Variants in COL10A1 observed in about 807,000 individuals in gnomAD.
The protein encoded by COL10A1 is collagen type X alpha 1 chain.
COL10A1 carries 10 observed loss-of-function variants against 18.2 expected under a neutral mutation model. The ratio of observed to expected loss-of-function variants is 0.55; its 90% CI spans 0.34 to 0.93. The LOEUF (loss-of-function observed/expected upper bound fraction) is 0.93, where lower values mean the gene tolerates loss of function less well. Ranked by LOEUF, COL10A1 falls within the 40% of genes least tolerant of loss-of-function variation. The probability of loss-of-function intolerance (pLI) is 0.02; values close to 1 mark genes in which losing one functional copy is unlikely to be tolerated. For synonymous variants in COL10A1, 330 were observed against 316.6 expected, an observed-to-expected ratio of 1.04 and a Z score of -0.45; for missense variants, 897 against 853.5, an observed-to-expected ratio of 1.05 and a Z score of -0.64.
chr6:116,161,176 A>C (rs1272029443), upstream of COL10A1, among the ~76,000 whole-genome samples: 1 of 119,722 alleles, frequency 8.4e-6, no homozygotes, highest in East Asian at 2.6e-4. Context: ...GAACATCACA[A>C]TCTGGGGACT....
chr6:116,193,905 A>C, the COL10A1 span, among the ~76,000 whole-genome samples: 1 of 151,936 alleles, frequency 6.6e-6, no homozygotes, highest in Admixed American at 6.6e-5. Flanking sequence ...AAATACAAAA[A>C]ATACAGAAAG....
Position 116,125,397 on chromosome 6 carries a change from T to C in COL10A1, c.96A>G (p.Lys32=). 1 of 1,613,784 alleles carries C rather than the reference T, an allele frequency of 6.2e-7. No homozygotes were observed. The highest frequency in any genetic ancestry group is 1.3e-5 in the African/African-American group (1 of 75,008). ...GTGTCTTGGTGTTGGGTAGTGGGCC[T>C]TTTATGCCTGTGGGCATTTGGTATC... ...AERYQMPTGI[K]GPLPNTKTQF... The change falls in exon 2 of 3, where the codon AAA becomes AAG. Residue 32 remains lysine, a synonymous_variant. Coordinates refer to ENST00000651968, the MANE Select transcript of COL10A1 (RefSeq NM_000493.4).
chr6:116,175,165 A>G, the COL10A1 span, among the ~76,000 whole-genome samples: 9 of 152,290 alleles, frequency 5.9e-5, no homozygotes, highest in African/African-American at 1.9e-4. Flanking sequence ...TCATATATAC[A>G]TTTGTATAAT....
At chr6:116,200,858 CTG>C in the COL10A1 span, among the ~76,000 whole-genome samples, 1 of 151,878 alleles carries the variant, frequency 6.6e-6, no homozygotes, top group Admixed American at 6.6e-5. Context: ...ACTTTTTCTT[CTG>C]AGGAAATCCA....
the COL10A1 span, among the ~76,000 whole-genome samples, chr6:116,191,429 A>G: frequency 6.6e-6 from 1 of 152,076 alleles, no homozygotes; most frequent in East Asian, 1.9e-4. Flanking sequence ...GGGAAAGAAG[A>G]GGAGGGAAAA....
the COL10A1 span, among the ~76,000 whole-genome samples, chr6:116,199,615 G>A: frequency 6.6e-6 from 1 of 152,050 alleles, no homozygotes; most frequent in South Asian, 2.1e-4. Flanking sequence ...CCTGGGGCAG[G>A]AAATATACAA....
chr6:116,153,967 T>G (rs997132369), intron 1 of COL10A1, among the ~76,000 whole-genome samples: 1 of 152,022 alleles, frequency 6.6e-6, no homozygotes, highest in Non-Finnish European at 1.5e-5. Context: ...GTATTGCATT[T>G]GGAAAATGCA....
In COL10A1 at chr6:116,119,562, A is replaced by G. The variant is rs886060989; in HGVS notation, c.*511T>C. The G allele has an allele frequency of 2.5e-5, 4 of 158,618 alleles. No individual in the cohort carries two copies. In the East Asian group the frequency reaches 7.5e-4, roughly 30 times the overall value. The allele number at this position is 158,618 out of a possible 1,614,324, so 9.8% of individuals were successfully genotyped here. On this transcript the variant is annotated 3_prime_UTR_variant, in exon 3 of 3. Transcript: ENST00000651968. ...CTCAGAGTAGTGCACCATCAGAAATATTTTAGGGGATACAGTGTCTTTTAA... is the reference window on the plus strand; with the variant it reads ...CTCAGAGTAGTGCACCATCAGAAATGTTTTAGGGGATACAGTGTCTTTTAA...
At chr6:116,208,193 C>G in the COL10A1 span, among the ~76,000 whole-genome samples, 1 of 151,936 alleles carries the variant, frequency 6.6e-6, no homozygotes, top group Non-Finnish European at 1.5e-5. Flanking sequence ...TCAACTGTAA[C>G]TTTTTTCAAA....
rs138088821 is a variant in COL10A1, at chr6:116,132,003, T to A, written c.-15-6496A>T. Among the ~76,000 whole-genome samples, 1,421 of 152,296 alleles carry A rather than the reference T, an allele frequency of 9.3e-3. 20 individuals are homozygous for A. Among genetic ancestry groups the A allele is most frequent in the African/African-American group, 0.033 (1,359 of 41,550 alleles). On this transcript the variant is annotated intron_variant, in intron 1 of 1. Transcript: ENST00000418500. ...ACATGTGTTTCTGCAAAGGACATTATCTTATTGTTTTTTATGGCTGCATAG... is the reference window on the plus strand; with the variant it reads ...ACATGTGTTTCTGCAAAGGACATTAACTTATTGTTTTTTATGGCTGCATAG...
At chr6:116,174,418 C>T in the COL10A1 span, among the ~76,000 whole-genome samples, 2 of 152,122 alleles carry the variant, frequency 1.3e-5, no homozygotes, top group African/African-American at 4.8e-5. Context: ...CCCCTCACTC[C>T]TGAAGGAAAA....
chr6:116,212,022 G>A, the COL10A1 span, among the ~76,000 whole-genome samples: 4 of 151,998 alleles, frequency 2.6e-5, no homozygotes, highest in Admixed American at 2.6e-4. Context: ...AAGCAATGTT[G>A]CAGAGTATTA....
rs1342659210 is a variant in COL10A1 at position 116,121,212 on chromosome 6, C to T, written c.904G>A (p.Gly302Ser). 3 of 1,613,774 alleles carry T rather than the reference C, an allele frequency of 1.9e-6. No homozygotes were observed. In the Admixed American group the frequency reaches 5.0e-5, roughly 27 times the overall value. Reference protein sequence around the residue: ...PPGPPGFGKPGLPGLKGERGP... With the variant: ...PPGPPGFGKPSLPGLKGERGP... ...CTTTCTCCCTTCAGGCCTGGCAAGC[C>T]TGGTTTCCCAAAGCCAGGAGGCCCT... Residue 302 changes from glycine to serine, a missense_variant, in exon 3 of 3, where the codon GGC becomes AGC. By Grantham distance (56) the Gly-to-Ser change is moderately conservative. Coordinates refer to ENST00000651968, the MANE Select transcript of COL10A1 (RefSeq NM_000493.4).
chr6:116,151,453 A>G (rs1780036193), intron 1 of COL10A1, among the ~76,000 whole-genome samples: 2 of 152,222 alleles, frequency 1.3e-5, no homozygotes, highest in African/African-American at 4.8e-5. Flanking sequence ...GCATTTATAG[A>G]GTAAAATTTT....
At chr6:116,132,323 C>G (rs917908457) in intron 1 of COL10A1, among the ~76,000 whole-genome samples, 1 of 152,158 alleles carries the variant, frequency 6.6e-6, no homozygotes, top group Non-Finnish European at 1.5e-5. Flanking sequence ...ATTCTTCTTA[C>G]TGAAAGCATG....
chr6:116,188,381 A>T, the COL10A1 span, among the ~76,000 whole-genome samples: 2 of 152,200 alleles, frequency 1.3e-5, no homozygotes, highest in Non-Finnish European at 2.9e-5. Flanking sequence ...TCACTATTAC[A>T]CCAAATTAGA....
chr6:116,194,170 T>G, the COL10A1 span, among the ~76,000 whole-genome samples: 116 of 152,224 alleles, frequency 7.6e-4, 2 homozygotes, highest in Admixed American at 6.9e-3. Context: ...ACAAAAAATG[T>G]GACATGATTT....
At chr6:116,216,314 G>C in the COL10A1 span, among the ~76,000 whole-genome samples, 1 of 151,578 alleles carries the variant, frequency 6.6e-6, no homozygotes. Context: ...AAGAATTCTG[G>C]TTTTTATATT....
chr6:116,189,368 A>G, the COL10A1 span, among the ~76,000 whole-genome samples: 1 of 151,906 alleles, frequency 6.6e-6, no homozygotes, highest in East Asian at 1.9e-4. Context: ...CCAGTATTGC[A>G]GTATATTTAC....
Sources: allele counts gnomAD v4.1 joint callset (sites outside exome capture counted in the v4.1 genomes callset), GRCh38; gene constraint gnomAD v4.1.1; transcripts MANE v1.5; gene names NCBI Gene and HGNC (gene_info 2026-07-23, HGNC 2026-07-21).